GLI3: variants seen among roughly 807,000 people sequenced by gnomAD.
GLI3 encodes transcription activator GLI3.
In GLI3, 20 loss-of-function variants were observed where a neutral mutation model predicts 100.8. The ratio of observed to expected loss-of-function variants is 0.20; its 90% CI spans 0.14 to 0.29. GLI3 has a LOEUF of 0.29. Ranked by LOEUF, GLI3 falls within the 10% of genes least tolerant of loss-of-function variation. GLI3 has a pLI of 1.00. For synonymous variants in GLI3, 938 were observed against 860.5 expected (o/e 1.09, Z -1.58); for missense variants, 2,040 against 2,128.5 (o/e 0.96, Z 0.82).
At chr7:41,983,967 G>A (rs1193140466) in intron 10 of GLI3, among the ~76,000 whole-genome samples, 1 of 152,154 alleles carries the variant, frequency 6.6e-6, no homozygotes, top group South Asian at 2.1e-4. Flanking sequence ...AATGAGCCAC[G>A]ACTCAGTATT....
At chr7:42,119,089 C>A (rs1785931647) in intron 3 of GLI3, among the ~76,000 whole-genome samples, 1 of 152,112 alleles carries the variant, frequency 6.6e-6, no homozygotes, top group Admixed American at 6.5e-5. Flanking sequence ...AAGGCTCAGC[C>A]AAGGGAAGGA....
intron 1 of GLI3, among the ~76,000 whole-genome samples, chr7:42,243,551 C>G (rs1233647565): frequency 6.6e-6 from 1 of 152,160 alleles, no homozygotes; most frequent in Non-Finnish European, 1.5e-5. Context: ...ACTCAGTTTG[C>G]CCATCTGTGA....
chr7:42,077,000 T>C, intron 3 of GLI3, 143 bp from the exon 4 acceptor site: 1 of 701,726 alleles, frequency 1.4e-6, no homozygotes, highest in Non-Finnish European at 2.6e-6. Flanking sequence ...TTAAGGTTAG[T>C]TATGAAGCTC....
intron 2 of GLI3, among the ~76,000 whole-genome samples, chr7:42,203,255 C>A (rs1448507232): frequency 6.6e-6 from 1 of 152,050 alleles, no homozygotes; most frequent in Non-Finnish European, 1.5e-5. Context: ...CATTTAACAT[C>A]CACTCTCAGC....
At position 42,220,275 on chromosome 7, in the gene GLI3, A is replaced by T. The variant is rs574313080; in HGVS notation, c.124+2855T>A. ...AACTACCTGTTATAGCATCCATATGATTCTGTTTTCCTTTCTACGAATAGC... is the reference window on the plus strand; with the variant it reads ...AACTACCTGTTATAGCATCCATATGTTTCTGTTTTCCTTTCTACGAATAGC... On this transcript the variant is annotated intron_variant, in intron 2 of 14. Coordinates refer to ENST00000395925, the MANE Select transcript of GLI3 (RefSeq NM_000168.6). Among the ~76,000 whole-genome samples, 108 of 152,328 alleles carry T rather than the reference A, an allele frequency of 7.1e-4. 1 individual carries two copies. Among genetic ancestry groups the T allele is most frequent in the Admixed American group, 2.5e-3 (39 of 15,306 alleles).
chr7:42,262,225 T>TTCCTTCCTTCCTTCCTTCCGTCC (rs1789151410), intron 1 of GLI3, among the ~76,000 whole-genome samples: 1 of 118,700 alleles, frequency 8.4e-6, no homozygotes, highest in African/African-American at 3.4e-5. Flanking sequence ...TCCTTCCTTC[T>TTCCTTCCTTCCTTCCTTCCGTCC]TTCCTTCCTT....
At chr7:42,201,253 ACTTACTTATTT>A (rs1232718205) in intron 2 of GLI3, among the ~76,000 whole-genome samples, 1 of 152,140 alleles carries the variant, frequency 6.6e-6, no homozygotes, top group African/African-American at 2.4e-5. Flanking sequence ...CTTGTACTGC[ACTTACTTATTT>A]TTGGACCATG....
At chr7:42,087,282 C>A (rs973905445) in intron 3 of GLI3, among the ~76,000 whole-genome samples, 1 of 152,188 alleles carries the variant, frequency 6.6e-6, no homozygotes, top group African/African-American at 2.4e-5. Context: ...CTTTGGAATC[C>A]TCCCTGTGCA....
chr7:42,203,732 C>T (rs1788093684), intron 2 of GLI3, among the ~76,000 whole-genome samples: 1 of 152,116 alleles, frequency 6.6e-6, no homozygotes, highest in Non-Finnish European at 1.5e-5. Context: ...GACATGGTGG[C>T]TCATGCCTGT....
At chr7:42,062,570 A>C (rs551774922) in intron 4 of GLI3, among the ~76,000 whole-genome samples, 26 of 145,432 alleles carry the variant, frequency 1.8e-4, no homozygotes, top group African/African-American at 6.7e-4. Flanking sequence ...TCAACACTAA[A>C]GGAGCTTTTA....
chr7:42,054,157 A>G (rs1034877970), intron 4 of GLI3, among the ~76,000 whole-genome samples: 1 of 152,234 alleles, frequency 6.6e-6, no homozygotes, highest in African/African-American at 2.4e-5. Flanking sequence ...TTATATGGTC[A>G]TGAAAATAGA....
intron 12 of GLI3, among the ~76,000 whole-genome samples, chr7:41,974,282 G>A (rs189464775): frequency 6.0e-4 from 91 of 152,300 alleles, no homozygotes; most frequent in African/African-American, 2.1e-3. Flanking sequence ...CTGTGCCCGT[G>A]TGCCCTTGTG....
At chr7:42,144,630 T>G (rs1246604478) in intron 3 of GLI3, among the ~76,000 whole-genome samples, 1 of 151,870 alleles carries the variant, frequency 6.6e-6, no homozygotes, top group Non-Finnish European at 1.5e-5. Flanking sequence ...CCAAATATAA[T>G]AAAATCTTGT....
intron 5 of GLI3, among the ~76,000 whole-genome samples, chr7:42,046,401 T>C (rs1027068526): frequency 3.3e-5 from 5 of 152,226 alleles, no homozygotes; most frequent in Non-Finnish European, 7.3e-5. Context: ...GATAGGTTTG[T>C]GGGTATTTTA....
At chr7:42,020,126 G>A (rs1445721718) in intron 10 of GLI3, among the ~76,000 whole-genome samples, 1 of 152,200 alleles carries the variant, frequency 6.6e-6, no homozygotes, top group Non-Finnish European at 1.5e-5. Flanking sequence ...CGAATGTTTA[G>A]CCCATCTGTT....
intron 10 of GLI3, among the ~76,000 whole-genome samples, chr7:42,015,073 C>T (rs1329904232): frequency 6.6e-6 from 1 of 152,132 alleles, no homozygotes; most frequent in African/African-American, 2.4e-5. Flanking sequence ...CTCATTCTAT[C>T]CTCATAAACA....
intron 3 of GLI3, among the ~76,000 whole-genome samples, chr7:42,106,024 T>C (rs190030673): frequency 5.9e-5 from 9 of 152,280 alleles, no homozygotes. Context: ...CTTTTTGCAT[T>C]TGGTTTTTGG....
chr7:42,182,664 A>ATATATATATATACATGTGTGTGTGTG (rs1787629217), intron 2 of GLI3, among the ~76,000 whole-genome samples: 1 of 78,328 alleles, frequency 1.3e-5, no homozygotes, highest in Admixed American at 1.2e-4. Context: ...ATATATATAT[A>ATATATATATATACATGTGTGTGTGTG]TATATATATA....
chr7:42,069,187 G>C (rs1047404819), intron 4 of GLI3, among the ~76,000 whole-genome samples: 1 of 152,174 alleles, frequency 6.6e-6, no homozygotes, highest in African/African-American at 2.4e-5. Flanking sequence ...CTGGGGCTCA[G>C]ACTCTGAATA....
Sources: gnomAD v4.1 joint callset for allele counts (sites outside exome capture counted in the v4.1 genomes callset) on GRCh38, gnomAD v4.1.1 for gene constraint, MANE v1.5 for transcripts, NCBI Gene and HGNC (gene_info 2026-07-23, HGNC 2026-07-21) for gene names.